Variants in ACAP2 observed in about 807,000 individuals in gnomAD.
ACAP2 encodes arf-GAP with coiled-coil, ANK repeat and PH domain-containing protein 2.
A neutral mutation model predicts 115.8 loss-of-function variants in ACAP2; 39 were observed. The ratio of observed to expected loss-of-function variants is 0.34; its 90% CI spans 0.26 to 0.44. The LOEUF is 0.44. Ranked by LOEUF, ACAP2 falls within the 20% of genes least tolerant of loss-of-function variation. The pLI is 1.00. For missense variants in ACAP2, 662 were observed against 927.6 expected, an observed-to-expected ratio of 0.71 and a Z score of 3.72; for synonymous variants, 289 against 315.8, an observed-to-expected ratio of 0.92 and a Z score of 0.90.
chr3:195,378,674 A>G (rs1733742283), intron 4 of ACAP2, among the ~76,000 whole-genome samples: 1 of 152,100 alleles, frequency 6.6e-6, no homozygotes, highest in Non-Finnish European at 1.5e-5. Context: ...CAGCCTAGCC[A>G]CCATGCCAAA....
intron 5 of ACAP2, among the ~76,000 whole-genome samples, chr3:195,344,980 A>C (rs1301639734): frequency 1.3e-5 from 2 of 152,232 alleles, no homozygotes; most frequent in Non-Finnish European, 2.9e-5. Flanking sequence ...GAACAATTAG[A>C]TTATTTACAT....
chr3:195,281,282 G>A (rs193215362), intron 22 of ACAP2, among the ~76,000 whole-genome samples: 2 of 152,144 alleles, frequency 1.3e-5, no homozygotes, highest in African/African-American at 2.4e-5. Context: ...GTGGGCGCCT[G>A]TAGTCCCAGC....
chr3:195,330,490 A>G (rs1264412742), intron 8 of ACAP2, among the ~76,000 whole-genome samples: 1 of 152,218 alleles, frequency 6.6e-6, no homozygotes, highest in Non-Finnish European at 1.5e-5. Flanking sequence ...AATTCAACTC[A>G]TACTGCTTTT....
At chr3:195,414,515 A>C (rs139299282) in intron 1 of ACAP2, among the ~76,000 whole-genome samples, 151 of 152,348 alleles carry the variant, frequency 9.9e-4, no homozygotes, top group African/African-American at 3.6e-3. Flanking sequence ...ATGTTACACC[A>C]GCTTTGGAAG....
chr3:195,348,500 G>A (rs762417372), intron 4 of ACAP2, among the ~76,000 whole-genome samples: 4 of 151,842 alleles, frequency 2.6e-5, no homozygotes, highest in Non-Finnish European at 4.4e-5. Context: ...CTGAGAAAAC[G>A]GAAGAACAAA....
chr3:195,430,886 C>G (rs1002353715), intron 1 of ACAP2, among the ~76,000 whole-genome samples: 3 of 152,132 alleles, frequency 2.0e-5, no homozygotes, highest in Non-Finnish European at 4.4e-5. Context: ...TTTTCAGTAA[C>G]AGCTATATTG....
At chr3:195,442,443 G>A (rs1716080324) in intron 1 of ACAP2, among the ~76,000 whole-genome samples, 1 of 152,268 alleles carries the variant, frequency 6.6e-6, no homozygotes, top group Non-Finnish European at 1.5e-5. Context: ...GCAGCCAGAG[G>A]AGGAAGGGGG....
At chr3:195,295,997 G>T in intron 16 of ACAP2, 105 bp from the exon 17 acceptor site, 1 of 859,366 alleles carries the variant, frequency 1.2e-6, no homozygotes, top group Non-Finnish European at 1.8e-6. Context: ...GTCACTGAAT[G>T]TAATACTGGT....
At chr3:195,429,954 C>T (rs1714988632) in intron 1 of ACAP2, among the ~76,000 whole-genome samples, 1 of 152,120 alleles carries the variant, frequency 6.6e-6, no homozygotes, top group African/African-American at 2.4e-5. Flanking sequence ...TTTGCTTAAA[C>T]TGGATAATGA....
chr3:195,432,293 T>C (rs1715187612), intron 1 of ACAP2, among the ~76,000 whole-genome samples: 2 of 152,218 alleles, frequency 1.3e-5, no homozygotes, highest in African/African-American at 4.8e-5. Flanking sequence ...TTTAATTCTG[T>C]TTTCTCCTAA....
chr3:195,294,461 C>T (rs1409856505), intron 18 of ACAP2, among the ~76,000 whole-genome samples: 1 of 150,882 alleles, frequency 6.6e-6, no homozygotes, highest in Non-Finnish European at 1.5e-5. Context: ...GCCTGTAATC[C>T]CAGCTACTCG....
intron 20 of ACAP2, among the ~76,000 whole-genome samples, chr3:195,290,003 GA>G (rs111648782): frequency 0.013 from 2,027 of 152,092 alleles, 30 homozygotes; most frequent in African/African-American, 0.043. Context: ...TGAATAAACT[GA>G]AAAAGAAATC....
intron 4 of ACAP2, among the ~76,000 whole-genome samples, chr3:195,345,583 C>T (rs1267226386): frequency 6.6e-6 from 1 of 152,136 alleles, no homozygotes; most frequent in African/African-American, 2.4e-5. Context: ...AACAATGGAG[C>T]AACATAGTTC....
At chr3:195,293,579 C>A (rs1045337401) in intron 18 of ACAP2, among the ~76,000 whole-genome samples, 2 of 152,226 alleles carry the variant, frequency 1.3e-5, no homozygotes, top group Admixed American at 6.5e-5. Flanking sequence ...TGCTGGCTGA[C>A]GCCTATAATC....
chr3:195,391,228 CTT>C (rs1186667963), intron 2 of ACAP2, among the ~76,000 whole-genome samples: 5 of 129,882 alleles, frequency 3.8e-5, no homozygotes, highest in African/African-American at 2.8e-5. Flanking sequence ...GCTTCTCTTT[CTT>C]TTTTTTTTTT....
At chr3:195,378,518 A>AC (rs1309191868) in intron 4 of ACAP2, among the ~76,000 whole-genome samples, 1 of 151,294 alleles carries the variant, frequency 6.6e-6, no homozygotes, top group Non-Finnish European at 1.5e-5. Flanking sequence ...AAACAAACAA[A>AC]AAAAAACAAA....
chr3:195,410,953 G>A, intron 1 of ACAP2: 1 of 364,404 alleles, frequency 2.7e-6, no homozygotes, highest in Admixed American at 3.0e-5. Flanking sequence ...GAGATAGCTG[G>A]CCCTCACCAG....
intron 10 of ACAP2, among the ~76,000 whole-genome samples, 184 bp from the exon 11 acceptor site, chr3:195,309,021 ATT>A (rs1319794546): frequency 2.1e-5 from 3 of 143,384 alleles, no homozygotes; most frequent in Non-Finnish European, 3.1e-5. Flanking sequence ...AAGAACAAAC[ATT>A]TTAAAACCAC....
intron 4 of ACAP2, among the ~76,000 whole-genome samples, chr3:195,354,602 T>C (rs927629290): frequency 1.3e-5 from 2 of 152,204 alleles, no homozygotes; most frequent in Non-Finnish European, 2.9e-5. Flanking sequence ...AGTTTGCAAA[T>C]ATTTTCTCCC....
Sources: allele counts gnomAD v4.1 joint callset (sites outside exome capture counted in the v4.1 genomes callset), GRCh38; gene constraint gnomAD v4.1.1; transcripts MANE v1.5; gene names NCBI Gene and HGNC (gene_info 2026-07-23, HGNC 2026-07-21).